CBFA2T3: variants seen among roughly 807,000 people sequenced by gnomAD.
CBFA2T3 encodes the protein CBFA2/RUNX1 partner transcriptional co-repressor 3.
In CBFA2T3, 31 loss-of-function variants were observed where a neutral mutation model predicts 58.6. The ratio of observed to expected loss-of-function variants is 0.53; its 90% CI spans 0.40 to 0.71. The LOEUF (loss-of-function observed/expected upper bound fraction) is 0.71, where lower values mean the gene tolerates loss of function less well. Among genes scored for constraint, CBFA2T3 ranks in the 30% least tolerant of loss-of-function variants. The pLI, the probability that CBFA2T3 is intolerant of heterozygous loss-of-function variation, is 0.00. For missense variants in CBFA2T3, 1,076 were observed against 963.1 expected, an observed-to-expected ratio of 1.12 and a Z score of -1.55; for synonymous variants, 531 against 421.9, an observed-to-expected ratio of 1.26 and a Z score of -3.17.
intron 2 of CBFA2T3, among the ~76,000 whole-genome samples, chr16:88,899,690 G>A (rs569345130): frequency 6.6e-6 from 1 of 152,314 alleles, no homozygotes; most frequent in Admixed American, 6.5e-5. Flanking sequence ...AGAGCAGGTG[G>A]GGGAGACGCA....
chr16:88,931,574 C>T (rs929605339), intron 1 of CBFA2T3, among the ~76,000 whole-genome samples: 2 of 150,438 alleles, frequency 1.3e-5, no homozygotes, highest in Admixed American at 1.3e-4. Context: ...GGCCGTGGGC[C>T]GGCCCCGTGG....
At chr16:88,901,006 C>T (rs1255952685) in intron 2 of CBFA2T3, among the ~76,000 whole-genome samples, 1 of 152,262 alleles carries the variant, frequency 6.6e-6, no homozygotes, top group African/African-American at 2.4e-5. Context: ...CTCCTGAGAT[C>T]TGAGCCCCTC....
In CBFA2T3 at chr16:88,881,406, C is replaced by CTCGCGG; in HGVS notation, c.1281_1286dup (p.Asp427_Arg428dup). The CTCGCGG allele has an allele frequency of 6.2e-7, 1 of 1,606,600 alleles. No individual in the cohort carries two copies. Among genetic ancestry groups the CTCGCGG allele is most frequent in the Non-Finnish European group, 8.5e-7 (1 of 1,177,728 alleles). The stretch of plus-strand genomic sequence containing the variant: ...AGCGCCGCGCCCAGTGGTTGAGCTC[C>CTCGCGG]TCGCGGTCGGCCTCCTGGCACCTGC... On this transcript the variant is annotated inframe_insertion, in exon 9 of 12. Coordinates refer to ENST00000268679, the MANE Select transcript of CBFA2T3 (RefSeq NM_005187.6).
chr16:88,933,303 T>C (rs899064810), intron 1 of CBFA2T3, among the ~76,000 whole-genome samples: 40 of 148,054 alleles, frequency 2.7e-4, no homozygotes, highest in African/African-American at 9.0e-4. Context: ...GTCACGTGCC[T>C]CTATACGCCT....
intron 3 of CBFA2T3, among the ~76,000 whole-genome samples, chr16:88,896,349 G>C (rs1055592631): frequency 6.6e-6 from 1 of 152,210 alleles, no homozygotes; most frequent in Non-Finnish European, 1.5e-5. Flanking sequence ...CCCCTGGCTT[G>C]AACGATCTTA....
Position 88,881,479 on chromosome 16 carries a change from C to G in CBFA2T3, c.1214G>C (p.Cys405Ser), listed in dbSNP as rs1342109435. 1 of 1,605,992 alleles carries G rather than the reference C, an allele frequency of 6.2e-7. No individual in the cohort carries two copies. The highest frequency in any genetic ancestry group is 1.7e-5 in the Admixed American group (1 of 59,738). Residue 405 changes from cysteine (C) to serine (S), a missense_variant, in exon 9 of 12, where the codon TGC becomes TCC. By Grantham distance (112) the Cys-to-Ser change is moderately radical. Transcript: ENST00000268679. ...CGTCTTCTCCACCATGTCCATGATG[C>G]AGTTCAGGAGCTGGGGGCGGGCGGC... ...EWKHLNNLLN[C>S]IMDMVEKTRR... is the part of the protein sequence containing the mutation.
Position 88,885,750 on chromosome 16 carries a change from G to A in CBFA2T3, c.893+211C>T. On this transcript the variant is annotated intron_variant, in intron 6 of 11. Transcript: ENST00000268679. This position sits in a 1 kb window ranked among gnomAD's most constrained non-coding sequence, Gnocchi z 5.3. ...CCTCCCTGTCCTCCTAGGCTCCCCG[G>A]AGCATCTGAGTCTGCAGCCCACTGG... The A allele has an allele frequency of 3.5e-6, 2 of 571,308 alleles. No individual in the cohort carries two copies. Among genetic ancestry groups the A allele is most frequent in the Non-Finnish European group, 6.2e-6 (2 of 321,338 alleles). 35.4% of individuals were successfully genotyped at this position (571,308 alleles called of 1,614,324 possible). A position where few individuals can be genotyped will look rare whatever the true frequency, so the allele number is the denominator to read the frequency against.
rs1273184695 is a variant in CBFA2T3 at position 88,881,394 on chromosome 16, G to C, written c.1299C>G (p.His433Gln). 1.2e-6 allele frequency: 2 copies of C among 1,603,862 alleles called. No individual in the cohort carries two copies. Among genetic ancestry groups the C allele is most frequent in the South Asian group, 2.2e-5 (2 of 90,138 alleles). The change falls in exon 9 of 12, where the codon CAC becomes CAG. Residue 433 changes from histidine to glutamine, a missense_variant. His to Gln is a conservative substitution (Grantham distance 24). Coordinates refer to ENST00000268679, the MANE Select transcript of CBFA2T3 (RefSeq NM_005187.6). ...CGGCGTCGCTGTAGCGCCGCGCCCA[G>C]TGGTTGAGCTCCTCGCGGTCGGCCT... Reference protein sequence around the residue: ...CQEADREELNHWARRYSDAED... With the variant: ...CQEADREELNQWARRYSDAED...
chr16:88,880,632 A>C (rs1052146129), intron 10 of CBFA2T3, 88 bp downstream of exon 10: 9 of 1,075,654 alleles, frequency 8.4e-6, no homozygotes, highest in Admixed American at 2.1e-5. Context: ...GAGAGACAGA[A>C]GCTCTTCAAA....
intron 1 of CBFA2T3, among the ~76,000 whole-genome samples, chr16:88,944,895 G>T (rs1184179255): frequency 1.3e-5 from 2 of 152,208 alleles, no homozygotes; most frequent in East Asian, 3.9e-4. Flanking sequence ...AGAACACCGG[G>T]ACCCAGAAAG....
Position 88,877,028 on chromosome 16 carries a change from G to T in CBFA2T3, c.1910C>A (p.Ser637Tyr). ...AGGTGGGCTGGGGGAGCCGGGGCGA[G>T]AAGGCCCCGCAGAGCCGGCTTCGCT... ...SPSEAGSAGP[S>Y]RPGSPSPPGP... Residue 637 changes from serine (S) to tyrosine (Y), a missense_variant, in exon 12 of 12, where the codon TCT becomes TAT. Physicochemically the swap from Ser to Tyr is moderately radical, Grantham distance 144 (BLOSUM62 -2). Coordinates refer to ENST00000268679, the MANE Select transcript of CBFA2T3 (RefSeq NM_005187.6). The T allele has an allele frequency of 6.7e-7, 1 of 1,492,842 alleles. No individual in the cohort carries two copies. Among genetic ancestry groups the T allele is most frequent in the Non-Finnish European group, 8.9e-7 (1 of 1,124,524 alleles). The allele number at this position is 1,492,842 out of a possible 1,614,324, so 92.5% of individuals were successfully genotyped here.
At chr16:88,930,602 G>A (rs1021307380) in intron 1 of CBFA2T3, among the ~76,000 whole-genome samples, 1 of 150,942 alleles carries the variant, frequency 6.6e-6, no homozygotes, top group Admixed American at 6.6e-5. Flanking sequence ...ACGTGGCCCC[G>A]TCACCTTCAT....
intron 3 of CBFA2T3, among the ~76,000 whole-genome samples, chr16:88,896,835 T>C (rs1028396880): frequency 1.2e-4 from 19 of 152,174 alleles, no homozygotes; most frequent in African/African-American, 4.6e-4. Context: ...TTACCAGCCT[T>C]GCCCCGGGTG....
At chr16:88,897,424 C>T (rs1438542879) in intron 3 of CBFA2T3, among the ~76,000 whole-genome samples, 1 of 152,236 alleles carries the variant, frequency 6.6e-6, no homozygotes, top group Non-Finnish European at 1.5e-5. Flanking sequence ...CATGGCTGCA[C>T]TCAGTGGTTG....
intron 1 of CBFA2T3, among the ~76,000 whole-genome samples, chr16:88,918,994 C>T (rs7184909): frequency 0.066 from 9,974 of 152,222 alleles, 1,124 homozygotes; most frequent in African/African-American, 0.23. Flanking sequence ...ATCTGCTAGC[C>T]TTAATAAAGA....
intron 11 of CBFA2T3, among the ~76,000 whole-genome samples, chr16:88,878,596 C>T (rs915845505): frequency 2.0e-5 from 3 of 152,236 alleles, no homozygotes; most frequent in Non-Finnish European, 2.9e-5. Context: ...GCGCCTCGGA[C>T]GCCACCTGGG....
chr16:88,942,190 C>T (rs1971767011), intron 1 of CBFA2T3, among the ~76,000 whole-genome samples: 1 of 152,378 alleles, frequency 6.6e-6, no homozygotes, highest in Non-Finnish European at 1.5e-5. Context: ...CCTCCCCCGC[C>T]CGCTTTGCCT....
chr16:88,943,688 C>G (rs116381719), intron 1 of CBFA2T3, among the ~76,000 whole-genome samples: 151 of 152,332 alleles, frequency 9.9e-4, no homozygotes, highest in African/African-American at 3.5e-3. Flanking sequence ...TGTGCGGATG[C>G]TCCCGGAACG....
At position 88,958,415 on chromosome 16, in the gene CBFA2T3, G is replaced by A. The variant is rs1409948149; in HGVS notation, c.151+18242C>T. ...AAAGGAGAAGTTTTATTTGGGGTGG[G>A]GGTGTTAGAGTAATGCCAGGCGGGG... On this transcript the variant is annotated intron_variant, in intron 1 of 11. Coordinates refer to ENST00000268679, the MANE Select transcript of CBFA2T3 (RefSeq NM_005187.6). The surrounding 1 kb of genome is among the most constrained non-coding windows in gnomAD (Gnocchi z 4.0). Among the ~76,000 whole-genome samples the A allele has an allele frequency of 6.6e-6, 1 of 152,154 alleles. No individual in the cohort carries two copies. Among genetic ancestry groups the A allele is most frequent in the African/African-American group, 2.4e-5 (1 of 41,422 alleles).
Sources: allele counts gnomAD v4.1 joint callset (sites outside exome capture counted in the v4.1 genomes callset), GRCh38; gene constraint gnomAD v4.1.1; non-coding constraint Gnocchi (gnomAD v3.1); transcripts MANE v1.5; gene names NCBI Gene and HGNC (gene_info 2026-07-23, HGNC 2026-07-21).